CCND3: variants seen among roughly 807,000 people sequenced by gnomAD.
CCND3 encodes the protein G1/S-specific cyclin-D3.
CCND3 carries 9 observed loss-of-function variants against 28.7 expected under a neutral mutation model. The observed-to-expected ratio is 0.31, with a 90% confidence interval of 0.19 to 0.55. The LOEUF (loss-of-function observed/expected upper bound fraction) is 0.55. Ranked by LOEUF, CCND3 falls within the 20% of genes least tolerant of loss-of-function variation. CCND3 has a pLI of 0.93. For missense variants in CCND3, 315 were observed against 385.8 expected, an observed-to-expected ratio of 0.82 and a Z score of 1.54; for synonymous variants, 164 against 163.9, an observed-to-expected ratio of 1.00 and a Z score of 0.00.
At position 42,008,033 on chromosome 6, in the gene CCND3, G is replaced by T. The variant is rs1309811710; in HGVS notation, c.-46+40468C>A. Reference sequence around the variant, plus strand: ...AGTGGGGAGAGGAAGAAAGGAGGCTGTTCTGTTTCCTTTATTGCCTATAGC... The same window carrying T: ...AGTGGGGAGAGGAAGAAAGGAGGCTTTTCTGTTTCCTTTATTGCCTATAGC... On this transcript the variant is annotated intron_variant, in intron 1 of 4. Coordinates refer to the CCND3 transcript ENST00000372988. 2.0e-5 allele frequency among the ~76,000 whole-genome samples: 3 copies of T among 152,136 alleles called. No homozygotes were observed. The East Asian group carries it at 5.8e-4, about 29-fold the overall frequency.
At chr6:42,018,195 A>T (rs756083066) in intron 1 of CCND3, among the ~76,000 whole-genome samples, 1 of 150,872 alleles carries the variant, frequency 6.6e-6, no homozygotes, top group African/African-American at 2.4e-5. Context: ...AGAAGCCTTT[A>T]TTTGTTTGTT....
Position 41,935,620 on chromosome 6 carries a change from G to GC in CCND3, c.*319_*320insG, listed in dbSNP as rs1290199632. 6.4e-6 allele frequency: 3 copies of GC among 470,760 alleles called. No homozygotes were observed. The highest frequency in any genetic ancestry group is 1.1e-5 in the Non-Finnish European group (3 of 263,310). The allele number at this position is 470,760 out of a possible 1,614,324, so 29.2% of individuals were successfully genotyped here. ...AAAACATGAGAGCCCCCAGGGGTGG[G>GC]GGGGGGCGTTCAAAAGGAATGCTGG... On this transcript the variant is annotated 3_prime_UTR_variant, in exon 5 of 5. Transcript: ENST00000372991.
intron 1 of CCND3, among the ~76,000 whole-genome samples, chr6:41,985,372 G>A (rs1490940342): frequency 6.5e-5 from 9 of 138,004 alleles, no homozygotes; most frequent in African/African-American, 2.5e-4. Context: ...GGAGTGCAAT[G>A]GCTTGATCTC....
At chr6:42,012,344 G>A (rs1313088540) in intron 1 of CCND3, among the ~76,000 whole-genome samples, 2 of 151,538 alleles carry the variant, frequency 1.3e-5, no homozygotes, top group Non-Finnish European at 2.9e-5. Context: ...GTGGGATGGG[G>A]GCGGGGAGTG....
intron 1 of CCND3, among the ~76,000 whole-genome samples, chr6:42,015,806 T>A (rs1763488268): frequency 6.6e-6 from 1 of 152,202 alleles, no homozygotes; most frequent in African/African-American, 2.4e-5. Flanking sequence ...ATATATATAT[T>A]GTGGAATGGC....
chr6:41,945,620 T>C (rs1028091937), upstream of CCND3, among the ~76,000 whole-genome samples: 3 of 152,034 alleles, frequency 2.0e-5, no homozygotes, highest in Non-Finnish European at 2.9e-5. Flanking sequence ...TTCAGACCCA[T>C]TGAGATGCTG....
At position 42,048,200 on chromosome 6, in the gene CCND3, A is replaced by C; in HGVS notation, c.-46+301T>G. 4.4e-6 allele frequency: 1 copy of C among 227,598 alleles called. No individual in the cohort carries two copies. Among genetic ancestry groups the C allele is most frequent in the Non-Finnish European group, 8.8e-6 (1 of 113,508 alleles). 14.1% of individuals were successfully genotyped at this position (227,598 alleles called of 1,614,324 possible). ...TGCCCTCCTACTGGCCTTCCACCCC[A>C]TCTTTGAGGCATGAGAAGACCAACA... On this transcript the variant is annotated intron_variant, in intron 1 of 4. Coordinates refer to the CCND3 transcript ENST00000372988. This position sits in a 1 kb window ranked among gnomAD's most constrained non-coding sequence, Gnocchi z 4.7.
chr6:41,955,046 C>T (rs1473565052), intron 1 of CCND3, among the ~76,000 whole-genome samples: 3 of 152,144 alleles, frequency 2.0e-5, no homozygotes, highest in Non-Finnish European at 4.4e-5. Flanking sequence ...GCTATGTTTA[C>T]CCCTCAAGTT....
chr6:42,017,999 A>G (rs1428372599), intron 1 of CCND3, among the ~76,000 whole-genome samples: 1 of 151,706 alleles, frequency 6.6e-6, no homozygotes, highest in Non-Finnish European at 1.5e-5. Context: ...AAATACAAAA[A>G]TTAGCCGGGC....
Position 41,936,207 on chromosome 6 carries a change from G to T in CCND3, c.712-100C>A. 1 of 1,345,416 alleles carries T rather than the reference G, an allele frequency of 7.4e-7. No homozygotes were observed. Among genetic ancestry groups the T allele is most frequent in the Non-Finnish European group, 1.0e-6 (1 of 993,008 alleles). The allele number at this position is 1,345,416 out of a possible 1,614,324, so 83.3% of individuals were successfully genotyped here. On this transcript the variant is annotated intron_variant, in intron 4 of 4. Coordinates refer to ENST00000372991, the MANE Select transcript of CCND3 (RefSeq NM_001760.5). This position sits in a 1 kb window ranked among gnomAD's most constrained non-coding sequence, Gnocchi z 4.4. ...GCTCCCAACACATGGGGAAGTCTGGGGAGGTTAGGCCACAGCCCGGCCCCA... is the reference window on the plus strand; with the variant it reads ...GCTCCCAACACATGGGGAAGTCTGGTGAGGTTAGGCCACAGCCCGGCCCCA...
intron 1 of CCND3, among the ~76,000 whole-genome samples, chr6:42,036,867 A>C (rs1387536030): frequency 6.6e-6 from 1 of 152,146 alleles, no homozygotes; most frequent in Non-Finnish European, 1.5e-5. Flanking sequence ...ACAAGGCTAT[A>C]CTTCTCATTA....
chr6:41,940,479 A>C lies in CCND3; in HGVS notation c.305T>G (p.Leu102Arg), dbSNP rs772690340. 1 of 1,614,132 alleles carries C rather than the reference A, an allele frequency of 6.2e-7. No homozygotes were observed. Among genetic ancestry groups the C allele is most frequent in the Non-Finnish European group, 8.5e-7 (1 of 1,180,010 alleles). Residue 102 changes from leucine to arginine, a missense_variant, in exon 2 of 5, where the codon CTG becomes CGG. Physicochemically the swap from Leu to Arg is moderately radical, Grantham distance 102. Transcript: ENST00000372991. ...VPTRKAQLQL[L>R]GAVCMLLASK... ...GGCCAGCAGCATGCAGACCGCACCC[A>C]GGAGCTGCAACTGCGCCTTTCGGGT...
chr6:41,968,251 A>G (rs1428432757), intron 1 of CCND3, among the ~76,000 whole-genome samples: 1 of 152,186 alleles, frequency 6.6e-6, no homozygotes, highest in Non-Finnish European at 1.5e-5. Flanking sequence ...TGATGTCCCA[A>G]ATTTGACACT....
intron 1 of CCND3, among the ~76,000 whole-genome samples, chr6:41,994,402 T>C (rs1336158695): frequency 2.0e-5 from 3 of 152,076 alleles, no homozygotes; most frequent in Non-Finnish European, 2.9e-5. Flanking sequence ...TGATTGTAGA[T>C]GACATTCTGG....
At chr6:42,028,033 C>T (rs774122093) in intron 1 of CCND3, among the ~76,000 whole-genome samples, 1 of 152,224 alleles carries the variant, frequency 6.6e-6, no homozygotes, top group Non-Finnish European at 1.5e-5. Flanking sequence ...AGGCGTGAGA[C>T]ACCACGCCCG....
chr6:42,025,817 G>A (rs1489762704), intron 1 of CCND3, among the ~76,000 whole-genome samples: 1 of 152,234 alleles, frequency 6.6e-6, no homozygotes, highest in African/African-American at 2.4e-5. Flanking sequence ...ATAAGCTACA[G>A]AGGTAAGGGA....
intron 1 of CCND3, among the ~76,000 whole-genome samples, chr6:42,006,789 T>C (rs4714542): frequency 0.98 from 148,451 of 151,524 alleles, 72,789 homozygotes; most frequent in East Asian, 1. Context: ...GCGCCTGTAG[T>C]CCCAGCTACT....
chr6:41,979,656 T>C (rs1179950118), intron 1 of CCND3, among the ~76,000 whole-genome samples: 2 of 27,788 alleles, frequency 7.2e-5, no homozygotes, highest in African/African-American at 1.8e-4. Flanking sequence ...TATATATATA[T>C]GTATATATAT....
In CCND3 at chr6:41,939,779, G is replaced by A. The variant is rs1485050586; in HGVS notation, c.414+591C>T. On this transcript the variant is annotated intron_variant, in intron 2 of 4. Transcript: ENST00000372991. This position sits in a 1 kb window ranked among gnomAD's most constrained non-coding sequence, Gnocchi z 4.2. ...CTCCAGTTCCTCAGAATGAGGACGA[G>A]GAAGGATTAGGAAGAAGCTGTTTCT... Among the ~76,000 whole-genome samples, 1 of 152,164 alleles carries A rather than the reference G, an allele frequency of 6.6e-6. No individual in the cohort carries two copies. The highest frequency in any genetic ancestry group is 1.9e-4 in the East Asian group (1 of 5,188).
Sources: allele counts gnomAD v4.1 joint callset (sites outside exome capture counted in the v4.1 genomes callset), GRCh38; gene constraint gnomAD v4.1.1; non-coding constraint Gnocchi (gnomAD v3.1); transcripts MANE v1.5; gene names NCBI Gene and HGNC (gene_info 2026-07-23, HGNC 2026-07-21).